The following CPNE8 variants were observed in gnomAD, a reference collection of about 807,000 sequenced individuals.
CPNE8 encodes the protein copine-8.
Under a neutral mutation model 81.5 loss-of-function variants are expected in CPNE8, and 45 were observed. The ratio of observed to expected loss-of-function variants is 0.55; its 90% confidence interval spans 0.44 to 0.71. The LOEUF (loss-of-function observed/expected upper bound fraction) is 0.71, where lower values mean the gene tolerates loss of function less well. Among genes scored for constraint, CPNE8 ranks in the 30% least tolerant of loss-of-function variants. The probability of loss-of-function intolerance (pLI) is 0.00; values close to 1 mark genes in which losing one functional copy is unlikely to be tolerated. For missense variants in CPNE8, 594 were observed against 672.1 expected, an observed-to-expected ratio of 0.88 and a Z score of 1.28; for synonymous variants, 252 against 226.3, an observed-to-expected ratio of 1.11 and a Z score of -1.02.
At position 38,903,228 on chromosome 12, in the gene CPNE8, G is replaced by A. The variant is rs191254927; in HGVS notation, c.98+2209C>T. Among the ~76,000 whole-genome samples, 274 of 152,164 alleles carry A rather than the reference G, an allele frequency of 1.8e-3. 1 individual carries two copies. Among genetic ancestry groups the A allele is most frequent in the African/African-American group, 6.4e-3 (264 of 41,498 alleles). On this transcript the variant is annotated intron_variant, in intron 1 of 19. Transcript: ENST00000331366. ...AGATGCTTTTTACCTCAAACTTATC[G>A]TAAATAGTAAGCTGAGTCAGAAGCA...
intron 1 of CPNE8, among the ~76,000 whole-genome samples, chr12:38,880,907 A>G (rs1263939216): frequency 6.6e-6 from 1 of 152,094 alleles, no homozygotes; most frequent in Non-Finnish European, 1.5e-5. Context: ...GCAAAAAGGA[A>G]AGGTTTAGAA....
Position 38,873,664 on chromosome 12 carries a change from A to T in CPNE8, c.140-614T>A, listed in dbSNP as rs973428085. 9.2e-5 allele frequency among the ~76,000 whole-genome samples: 14 copies of T among 152,324 alleles called. No individual in the cohort carries two copies. In the East Asian group the frequency reaches 2.5e-3, roughly 27 times the overall value. On this transcript the variant is annotated intron_variant, in intron 2 of 19. Transcript: ENST00000331366. ...CCTTTTTCCCAATGACTACCTCAAG[A>T]ATTCTGACAACTGACAAAAACCTTC...
intron 6 of CPNE8, among the ~76,000 whole-genome samples, chr12:38,790,451 T>C (rs1158540423): frequency 6.6e-6 from 1 of 151,560 alleles, no homozygotes; most frequent in African/African-American, 2.4e-5. Flanking sequence ...CTGAGAAGGG[T>C]AGTAGGTGCT....
chr12:38,892,167 A>G lies in CPNE8; in HGVS notation c.98+13270T>C, dbSNP rs554987908. The stretch of plus-strand genomic sequence containing the variant: ...TGTAGGAAAGTGTCAACAAGGGTGG[A>G]GAAAGGGAAGACACAAAGGAACGTG... On this transcript the variant is annotated intron_variant, in intron 1 of 19. Transcript: ENST00000331366. 2.7e-4 allele frequency among the ~76,000 whole-genome samples: 41 copies of G among 152,324 alleles called. No individual in the cohort carries two copies. The South Asian group carries it at 8.3e-3, about 31-fold the overall frequency.
At chr12:38,779,696 T>G (rs1438145390) in intron 6 of CPNE8, among the ~76,000 whole-genome samples, 2 of 151,956 alleles carry the variant, frequency 1.3e-5, no homozygotes, top group Admixed American at 1.3e-4. Context: ...TATCTCACAT[T>G]TAAAGTTTTA....
intron 6 of CPNE8, among the ~76,000 whole-genome samples, chr12:38,783,113 C>A (rs549005158): frequency 6.6e-6 from 1 of 152,184 alleles, no homozygotes; most frequent in African/African-American, 2.4e-5. Flanking sequence ...AACTCATCCA[C>A]ATTACAGTTA....
intron 10 of CPNE8, among the ~76,000 whole-genome samples, chr12:38,740,242 T>G (rs1941062324): frequency 6.6e-6 from 1 of 152,186 alleles, no homozygotes; most frequent in Non-Finnish European, 1.5e-5. Flanking sequence ...TTTTGCACAT[T>G]GATTTTGAAT....
chr12:38,678,540 A>C (rs1939340752), intron 16 of CPNE8, among the ~76,000 whole-genome samples: 1 of 152,072 alleles, frequency 6.6e-6, no homozygotes, highest in East Asian at 1.9e-4. Context: ...TACAACCTGA[A>C]GGATTAATGA....
At chr12:38,869,505 A>G (rs1407391702) in intron 3 of CPNE8, among the ~76,000 whole-genome samples, 1 of 152,154 alleles carries the variant, frequency 6.6e-6, no homozygotes, top group Non-Finnish European at 1.5e-5. Flanking sequence ...TCTCAAAATA[A>G]ACTCTTTCTC....
chr12:38,788,351 A>T (rs1303004095), intron 6 of CPNE8, among the ~76,000 whole-genome samples: 1 of 151,932 alleles, frequency 6.6e-6, no homozygotes, highest in East Asian at 1.9e-4. Flanking sequence ...AACAAAATAA[A>T]GACCAAAACC....
At chr12:38,763,783 A>C (rs1008655836) in intron 8 of CPNE8, among the ~76,000 whole-genome samples, 2 of 152,226 alleles carry the variant, frequency 1.3e-5, no homozygotes, top group African/African-American at 4.8e-5. Context: ...TCAAGACCTT[A>C]GTCATAAAGT....
intron 13 of CPNE8, among the ~76,000 whole-genome samples, chr12:38,708,404 TTAC>T (rs1940167959): frequency 6.6e-6 from 1 of 151,912 alleles, no homozygotes; most frequent in Non-Finnish European, 1.5e-5. Context: ...TTATATAAGA[TTAC>T]TCCTGACAGA....
chr12:38,665,780 G>A (rs1939046723), intron 19 of CPNE8, among the ~76,000 whole-genome samples: 2 of 152,102 alleles, frequency 1.3e-5, no homozygotes, highest in African/African-American at 4.8e-5. Context: ...TACGTATATT[G>A]ACTTATGACA....
chr12:38,799,067 C>G (rs952614805), intron 6 of CPNE8, among the ~76,000 whole-genome samples: 1 of 152,280 alleles, frequency 6.6e-6, no homozygotes, highest in Middle Eastern at 3.4e-3. Flanking sequence ...CAGTGACCTA[C>G]AAAGAGACTT....
At chr12:38,843,929 G>GT (rs1424409501) in intron 4 of CPNE8, among the ~76,000 whole-genome samples, 1 of 152,064 alleles carries the variant, frequency 6.6e-6, no homozygotes, top group Non-Finnish European at 1.5e-5. Flanking sequence ...AAAATAAAAA[G>GT]TACCTAACAA....
intron 19 of CPNE8, among the ~76,000 whole-genome samples, chr12:38,659,963 G>C (rs571121895): frequency 2.7e-4 from 41 of 152,310 alleles, no homozygotes; most frequent in African/African-American, 9.9e-4. Context: ...TGAAATAAAA[G>C]AGGACACAAA....
intron 1 of CPNE8, among the ~76,000 whole-genome samples, chr12:38,903,763 G>C (rs1211568946): frequency 6.6e-6 from 1 of 152,144 alleles, no homozygotes; most frequent in Non-Finnish European, 1.5e-5. Context: ...GCAAGCTTCA[G>C]AGAAAAGAAA....
chr12:38,839,742 T>C (rs1223824923), intron 5 of CPNE8, among the ~76,000 whole-genome samples, 174 bp downstream of exon 5: 1 of 152,168 alleles, frequency 6.6e-6, no homozygotes, highest in African/African-American at 2.4e-5. Flanking sequence ...GGTAACGTTT[T>C]TAATAAGCTC....
intron 3 of CPNE8, among the ~76,000 whole-genome samples, chr12:38,855,062 A>C (rs1233492886): frequency 6.6e-6 from 1 of 152,148 alleles, no homozygotes; most frequent in African/African-American, 2.4e-5. Flanking sequence ...AGGATACAAA[A>C]TCAACACAGA....
Sources: gnomAD v4.1 joint callset for allele counts (sites outside exome capture counted in the v4.1 genomes callset) on GRCh38, gnomAD v4.1.1 for gene constraint, MANE v1.5 for transcripts, NCBI Gene and HGNC (gene_info 2026-07-23, HGNC 2026-07-21) for gene names.